The following PCDH15 variants were observed in gnomAD, a reference collection of about 807,000 sequenced individuals.
PCDH15 encodes the protein protocadherin related 15.
Under a neutral mutation model 178.5 loss-of-function variants are expected in PCDH15, and 129 were observed. The observed-to-expected ratio is 0.72, with a 90% confidence interval of 0.63 to 0.84. PCDH15 has a LOEUF of 0.84. Ranked by LOEUF, PCDH15 falls within the 40% of genes least tolerant of loss-of-function variation. The probability of loss-of-function intolerance (pLI) is 0.00; values close to 1 mark genes in which losing one functional copy is unlikely to be tolerated. For missense variants in PCDH15, 2,230 were observed against 2,099.9 expected, an observed-to-expected ratio of 1.06 and a Z score of -1.21; for synonymous variants, 800 against 732.0, an observed-to-expected ratio of 1.09 and a Z score of -1.50.
At position 54,232,287 on chromosome 10, in the gene PCDH15, A is replaced by G. The variant is rs12218588; in HGVS notation, c.985+4536T>C. 7.2e-5 allele frequency among the ~76,000 whole-genome samples: 11 copies of G among 152,272 alleles called. No individual in the cohort carries two copies. In the East Asian group the frequency reaches 1.9e-3, roughly 27 times the overall value. ...ACCCCTTCTCTCTCCTGCTCTGGCCACGTAAGATGCGCCAACTTCCCCTTC... is the reference window on the plus strand; with the variant it reads ...ACCCCTTCTCTCTCCTGCTCTGGCCGCGTAAGATGCGCCAACTTCCCCTTC... On this transcript the variant is annotated intron_variant, in intron 9 of 37. Coordinates refer to ENST00000644397, the MANE Select transcript of PCDH15 (RefSeq NM_001384140.1).
chr10:54,365,957 G>T (rs1419435991), intron 5 of PCDH15, among the ~76,000 whole-genome samples: 1 of 152,064 alleles, frequency 6.6e-6, no homozygotes, highest in African/African-American at 2.4e-5. Context: ...TAAAAGTGCT[G>T]ATTGTGATTA....
At chr10:54,461,130 T>A (rs991094207) in intron 3 of PCDH15, among the ~76,000 whole-genome samples, 1 of 152,126 alleles carries the variant, frequency 6.6e-6, no homozygotes, top group East Asian at 1.9e-4. Context: ...AGAAGCAACA[T>A]CAAAGAATAT....
At chr10:55,415,816 C>T (rs1838466975) in intron 2 of PCDH15, among the ~76,000 whole-genome samples, 3 of 151,642 alleles carry the variant, frequency 2.0e-5, no homozygotes, top group Admixed American at 1.3e-4. Context: ...GACTGAGGTA[C>T]CCATTCATAA....
intron 3 of PCDH15, among the ~76,000 whole-genome samples, chr10:54,830,207 C>T (rs1054688252): frequency 2.1e-4 from 32 of 152,168 alleles, no homozygotes; most frequent in Admixed American, 1.7e-3. Flanking sequence ...CTAGAAATAC[C>T]ATTTGACCCA....
intron 19 of PCDH15, 130 bp downstream of exon 19, chr10:54,022,762 A>T (rs2092963343): frequency 4.4e-6 from 4 of 911,298 alleles, no homozygotes; most frequent in South Asian, 1.4e-5. Context: ...ATAAAAATTT[A>T]TTCATTGTTT....
At chr10:55,027,826 T>G (rs1385781555) in intron 2 of PCDH15, among the ~76,000 whole-genome samples, 2 of 151,906 alleles carry the variant, frequency 1.3e-5, no homozygotes, top group African/African-American at 2.4e-5. Flanking sequence ...GTAGTATAAT[T>G]TTTTTGTCAA....
chr10:53,837,127 C>T (rs994791292), intron 29 of PCDH15, among the ~76,000 whole-genome samples: 4 of 150,936 alleles, frequency 2.7e-5, no homozygotes, highest in South Asian at 2.1e-4. Flanking sequence ...AGAGTCAGAA[C>T]GGAACAAAAT....
intron 2 of PCDH15, among the ~76,000 whole-genome samples, chr10:54,976,415 A>G (rs1839072833): frequency 6.6e-6 from 1 of 152,084 alleles, no homozygotes; most frequent in Admixed American, 6.6e-5. Flanking sequence ...CAGTCTCCCC[A>G]AAGGCTCAGA....
intron 8 of PCDH15, among the ~76,000 whole-genome samples, chr10:54,293,975 C>T (rs111457185): frequency 0.034 from 5,135 of 152,190 alleles, 288 homozygotes; most frequent in African/African-American, 0.12. Flanking sequence ...TGGATATATA[C>T]CCAAAGGATT....
intron 3 of PCDH15, among the ~76,000 whole-genome samples, chr10:54,518,876 C>A (rs2082522599): frequency 6.6e-6 from 1 of 152,176 alleles, no homozygotes; most frequent in Admixed American, 6.5e-5. Context: ...ATCAAGTGGG[C>A]TTCATCCCTG....
At chr10:55,432,859 C>T (rs544474616) in intron 2 of PCDH15, among the ~76,000 whole-genome samples, 12 of 151,778 alleles carry the variant, frequency 7.9e-5, no homozygotes, top group African/African-American at 2.4e-4. Context: ...CTCCTGACCT[C>T]GTGATCCGCC....
At chr10:55,550,257 T>C (rs1370971471) in intron 2 of PCDH15, among the ~76,000 whole-genome samples, 1 of 152,168 alleles carries the variant, frequency 6.6e-6, no homozygotes, top group African/African-American at 2.4e-5. Context: ...TTTAGTGTTG[T>C]AAAAATGATG....
chr10:54,201,749 AG>A (rs2050251794), intron 10 of PCDH15, among the ~76,000 whole-genome samples: 1 of 151,960 alleles, frequency 6.6e-6, no homozygotes. Context: ...ATGTTTTTCC[AG>A]TGTGTGTGTG....
At chr10:54,028,762 G>C (rs976601935) in intron 18 of PCDH15, among the ~76,000 whole-genome samples, 3 of 134,208 alleles carry the variant, frequency 2.2e-5, no homozygotes, top group Non-Finnish European at 3.1e-5. Context: ...CACAGGAAGG[G>C]GAATATCACA....
chr10:54,949,190 G>A (rs898159208), intron 2 of PCDH15, among the ~76,000 whole-genome samples: 4 of 151,898 alleles, frequency 2.6e-5, no homozygotes, highest in Non-Finnish European at 4.4e-5. Context: ...GCCTGAGACT[G>A]GGTAATTTAT....
chr10:54,334,424 A>G (rs1308434000), intron 6 of PCDH15, among the ~76,000 whole-genome samples: 2 of 152,240 alleles, frequency 1.3e-5, no homozygotes, highest in South Asian at 2.1e-4. Flanking sequence ...CTTTACTAAT[A>G]TGGGTTTGCA....
intron 2 of PCDH15, among the ~76,000 whole-genome samples, chr10:55,350,268 T>TACAC (rs766450240): frequency 5.6e-4 from 32 of 56,750 alleles, no homozygotes; most frequent in South Asian, 4.4e-3. Context: ...TATATATATA[T>TACAC]ACACACACAC....
chr10:54,010,771 G>C (rs116201239), intron 20 of PCDH15, among the ~76,000 whole-genome samples: 3,107 of 152,234 alleles, frequency 0.02, 101 homozygotes, highest in African/African-American at 0.071. Flanking sequence ...GAAGCCCAGT[G>C]TCTGTTTCCC....
At chr10:54,463,458 C>A (rs1045274183) in intron 3 of PCDH15, among the ~76,000 whole-genome samples, 5 of 152,070 alleles carry the variant, frequency 3.3e-5, no homozygotes, top group African/African-American at 1.2e-4. Flanking sequence ...GGTGAGAGAG[C>A]CAGGAGTTGA....
Sources: allele counts gnomAD v4.1 joint callset (sites outside exome capture counted in the v4.1 genomes callset), GRCh38; gene constraint gnomAD v4.1.1; transcripts MANE v1.5; gene names NCBI Gene and HGNC (gene_info 2026-07-23, HGNC 2026-07-21).